The following AOPEP variants were observed in gnomAD, a reference collection of about 807,000 sequenced individuals.
AOPEP encodes the protein aminopeptidase O.
A neutral mutation model predicts 98.1 loss-of-function variants in AOPEP; 77 were observed. That is an observed-to-expected ratio of 0.78 (90% CI 0.65 to 0.95). AOPEP has a LOEUF of 0.95. Among genes scored for constraint, AOPEP ranks in the 40% least tolerant of loss-of-function variants. The pLI is 0.00. For missense variants in AOPEP, 1,024 were observed against 1,024.7 expected, an observed-to-expected ratio of 1.00 and a Z score of 0.01; for synonymous variants, 346 against 365.3, an observed-to-expected ratio of 0.95 and a Z score of 0.60.
chr9:94,906,482 T>TAATAATAAAAAA (rs1367536683), intron 5 of AOPEP, among the ~76,000 whole-genome samples: 2 of 95,446 alleles, frequency 2.1e-5, no homozygotes, highest in African/African-American at 5.5e-5. Flanking sequence ...ATAATAATAA[T>TAATAATAAAAAA]AAAAAAACAG....
At chr9:94,818,777 G>A (rs890539752) in intron 5 of AOPEP, among the ~76,000 whole-genome samples, 20 of 152,244 alleles carry the variant, frequency 1.3e-4, no homozygotes, top group Non-Finnish European at 2.4e-4. Flanking sequence ...GGCGGATCAC[G>A]AGGTCAGGAG....
intron 1 of AOPEP, among the ~76,000 whole-genome samples, chr9:94,740,923 A>G (rs926967022): frequency 6.6e-6 from 1 of 152,260 alleles, no homozygotes; most frequent in Non-Finnish European, 1.5e-5. Flanking sequence ...GCCTAGCACA[A>G]AGGCTGGCGC....
intron 14 of AOPEP, among the ~76,000 whole-genome samples, chr9:95,076,904 C>T (rs555927683): frequency 2.0e-5 from 3 of 152,228 alleles, no homozygotes; most frequent in Non-Finnish European, 4.4e-5. Flanking sequence ...TTTCTCCCAT[C>T]CCTATCCCCA....
chr9:95,135,535 G>A, the AOPEP span: 2 of 1,599,346 alleles, frequency 1.3e-6, no homozygotes, highest in East Asian at 4.5e-5. Context: ...ATTTTAAACA[G>A]AAATGGCTCA....
rs746618229 is a variant in AOPEP, at chr9:94,760,155, G to A, written c.372G>A (p.Gly124=). The stretch of plus-strand genomic sequence containing the variant: ...ATGACAACCAGGAACATGCTTCTGG[G>A]ATTTCTAGCTCAAAGTACTGCTGTG... The part of the protein sequence containing the change: ...GNHDNQEHAS[G]ISSSKYCCDT... The change falls in exon 2 of 17, where the codon GGG becomes GGA. Residue 124 remains glycine, a synonymous_variant. Coordinates refer to ENST00000375315, the MANE Select transcript of AOPEP (RefSeq NM_001193329.3). 3.7e-6 allele frequency: 6 copies of A among 1,614,090 alleles called. No individual in the cohort carries two copies. Among genetic ancestry groups the A allele is most frequent in the Non-Finnish European group, 4.2e-6 (5 of 1,180,054 alleles).
chr9:94,876,375 T>C (rs889059902), intron 5 of AOPEP, among the ~76,000 whole-genome samples: 1 of 151,630 alleles, frequency 6.6e-6, no homozygotes, highest in Non-Finnish European at 1.5e-5. Flanking sequence ...TTTCTTTTTT[T>C]TTTTTTTGGA....
chr9:95,033,427 C>T (rs1310870784), intron 13 of AOPEP, among the ~76,000 whole-genome samples: 7 of 152,064 alleles, frequency 4.6e-5, no homozygotes, highest in African/African-American at 1.7e-4. Flanking sequence ...CTCTACCATT[C>T]TTTGATAGGT....
At chr9:94,837,140 A>G (rs115951423) in intron 5 of AOPEP, among the ~76,000 whole-genome samples, 72 of 152,334 alleles carry the variant, frequency 4.7e-4, no homozygotes, top group African/African-American at 1.6e-3. Flanking sequence ...CTTAACACAC[A>G]TAAACTAGAA....
At chr9:94,839,922 AC>A (rs966663465) in intron 5 of AOPEP, among the ~76,000 whole-genome samples, 1 of 152,064 alleles carries the variant, frequency 6.6e-6, no homozygotes, top group Admixed American at 6.5e-5. Context: ...GCACCCCACC[AC>A]ACCTGGCTAA....
the AOPEP span, among the ~76,000 whole-genome samples, chr9:95,120,504 T>C: frequency 2.0e-5 from 3 of 151,924 alleles, no homozygotes; most frequent in Non-Finnish European, 4.4e-5. Context: ...AGCCTCCACG[T>C]TCTGGGCTCA....
At chr9:95,096,937 A>G in the AOPEP span, among the ~76,000 whole-genome samples, 54 of 152,308 alleles carry the variant, frequency 3.5e-4, no homozygotes, top group Middle Eastern at 3.4e-3. Context: ...GGGAGAGGCC[A>G]GCAGTTACAG....
chr9:95,149,531 T>G, the AOPEP span, among the ~76,000 whole-genome samples: 36 of 151,698 alleles, frequency 2.4e-4, no homozygotes, highest in African/African-American at 8.7e-4. Flanking sequence ...CAGGCTGGAG[T>G]GCAGTGGCAC....
chr9:94,927,142 G>A (rs1017071568), intron 6 of AOPEP, among the ~76,000 whole-genome samples: 3 of 152,072 alleles, frequency 2.0e-5, no homozygotes, highest in African/African-American at 7.2e-5. Flanking sequence ...TTTTCTCTGC[G>A]TTCTCATATG....
At chr9:94,795,150 A>G (rs1588252120) in intron 4 of AOPEP, among the ~76,000 whole-genome samples, 2 of 152,326 alleles carry the variant, frequency 1.3e-5, no homozygotes, top group South Asian at 2.1e-4. Context: ...GTTAACATTA[A>G]TGTCCCTACT....
chr9:94,830,369 A>C (rs150450108), intron 5 of AOPEP, among the ~76,000 whole-genome samples: 2 of 152,256 alleles, frequency 1.3e-5, no homozygotes, highest in East Asian at 3.9e-4. Flanking sequence ...AAAGGACATG[A>C]TCTTGTTTAT....
At chr9:95,091,642 T>G (rs371798850), downstream of AOPEP, among the ~76,000 whole-genome samples, 99 of 152,254 alleles carry the variant, frequency 6.5e-4, 2 homozygotes, top group African/African-American at 2.3e-3. Context: ...TCTGGAGATT[T>G]ACAAGGTGGA....
At position 95,082,590 on chromosome 9, in the gene AOPEP, C is replaced by T. The variant is rs1459288578; in HGVS notation, c.2335C>T (p.Leu779Phe). ...LQEDQAMGVY[L>F]YGELMVSEDA... Reference sequence around the variant, plus strand: ...TGCCCTGCAGGCCATGGGTGTGTACCTCTACGGGGAGCTGATGGTGAGTGA... The same window carrying T: ...TGCCCTGCAGGCCATGGGTGTGTACTTCTACGGGGAGCTGATGGTGAGTGA... The change falls in exon 16 of 17, where the codon CTC becomes TTC. Residue 779 changes from leucine (L) to phenylalanine (F), a missense_variant. By Grantham distance (22) the Leu-to-Phe change is conservative. Transcript: ENST00000375315. 3.1e-6 allele frequency: 5 copies of T among 1,614,200 alleles called. No homozygotes were observed. The highest frequency in any genetic ancestry group is 4.2e-6 in the Non-Finnish European group (5 of 1,180,052).
intron 13 of AOPEP, among the ~76,000 whole-genome samples, chr9:95,028,992 G>A (rs1006658721): frequency 3.3e-5 from 5 of 152,226 alleles, no homozygotes; most frequent in African/African-American, 7.2e-5. Context: ...GGAAGGCAGC[G>A]CCAGCTGGTG....
intron 2 of AOPEP, among the ~76,000 whole-genome samples, chr9:94,768,448 C>T (rs1213877673): frequency 6.6e-6 from 1 of 152,200 alleles, no homozygotes; most frequent in Non-Finnish European, 1.5e-5. Flanking sequence ...ATCCCTTACA[C>T]GTTTGGTTGC....
Sources: gnomAD v4.1 joint callset for allele counts (sites outside exome capture counted in the v4.1 genomes callset) on GRCh38, gnomAD v4.1.1 for gene constraint, MANE v1.5 for transcripts, NCBI Gene and HGNC (gene_info 2026-07-23, HGNC 2026-07-21) for gene names.